CRIM1: variants seen among roughly 807,000 people sequenced by gnomAD.
CRIM1 encodes cysteine-rich motor neuron 1 protein.
CRIM1 carries 32 observed loss-of-function variants against 116.4 expected under a neutral mutation model. The observed-to-expected ratio is 0.27, with a 90% CI of 0.21 to 0.37. The LOEUF is 0.37. Among genes scored for constraint, CRIM1 ranks in the 10% least tolerant of loss-of-function variants. The pLI is 1.00. For missense variants in CRIM1, 1,331 were observed against 1,354.8 expected (o/e 0.98, Z 0.28); for synonymous variants, 590 against 509.2 (o/e 1.16, Z -2.13).
chr2:36,487,113 A>G (rs1255414839), intron 7 of CRIM1, among the ~76,000 whole-genome samples: 1 of 152,210 alleles, frequency 6.6e-6, no homozygotes, highest in Admixed American at 6.5e-5. Context: ...CCCAATGTTC[A>G]ACAGATACCA....
At chr2:36,446,848 G>A (rs1319333304) in intron 4 of CRIM1, among the ~76,000 whole-genome samples, 1 of 152,192 alleles carries the variant, frequency 6.6e-6, no homozygotes, top group African/African-American at 2.4e-5. Flanking sequence ...GACTGTCTGT[G>A]AGGTTTAGGA....
intron 2 of CRIM1, among the ~76,000 whole-genome samples, chr2:36,428,117 A>G (rs966286902): frequency 7.2e-5 from 11 of 152,260 alleles, no homozygotes; most frequent in African/African-American, 2.2e-4. Context: ...TCAAATAACT[A>G]TCAGTGTAAG....
At chr2:36,417,163 A>G (rs545167306) in intron 2 of CRIM1, among the ~76,000 whole-genome samples, 1 of 152,266 alleles carries the variant, frequency 6.6e-6, no homozygotes, top group East Asian at 1.9e-4. Context: ...TGTCCAGACC[A>G]CTTAGCTCCT....
intron 7 of CRIM1, among the ~76,000 whole-genome samples, chr2:36,492,371 C>G (rs367889498): frequency 2.0e-5 from 3 of 152,246 alleles, no homozygotes; most frequent in Admixed American, 6.5e-5. Flanking sequence ...AAACTCCAAC[C>G]GTAAGAGACT....
chr2:36,472,639 G>A (rs1026250569), intron 5 of CRIM1, among the ~76,000 whole-genome samples: 1 of 152,128 alleles, frequency 6.6e-6, no homozygotes, highest in Non-Finnish European at 1.5e-5. Context: ...CTCAGATCAT[G>A]CACCAGGGTT....
intron 13 of CRIM1, among the ~76,000 whole-genome samples, chr2:36,536,540 G>T (rs1666569823): frequency 6.6e-6 from 1 of 152,116 alleles, no homozygotes; most frequent in Non-Finnish European, 1.5e-5. Flanking sequence ...GGTCCTTGGG[G>T]CCTCACTCTG....
chr2:36,499,369 T>C, intron 8 of CRIM1, 22 bp downstream of exon 8: 4 of 1,611,534 alleles, frequency 2.5e-6, no homozygotes, highest in Non-Finnish European at 3.4e-6. Flanking sequence ...GAAGACTGTA[T>C]GTTTTTTCTG....
chr2:36,462,798 G>C (rs575758746), intron 4 of CRIM1, among the ~76,000 whole-genome samples: 6 of 152,242 alleles, frequency 3.9e-5, no homozygotes, highest in African/African-American at 1.2e-4. Context: ...TACAATAAAT[G>C]TAAACAATAT....
Position 36,537,294 on chromosome 2 carries a change from A to G in CRIM1, c.2429-58A>G, listed in dbSNP as rs879577765. On this transcript the variant is annotated intron_variant, in intron 13 of 16. Transcript: ENST00000280527. ...GCTATCCCTTGATCTCTCACGTCTAATAAGATCGTGTGCGTTGTCACATCA... is the reference window on the plus strand; with the variant it reads ...GCTATCCCTTGATCTCTCACGTCTAGTAAGATCGTGTGCGTTGTCACATCA... 54 of 1,483,920 alleles carry G rather than the reference A, an allele frequency of 3.6e-5. No homozygotes were observed. In the East Asian group the frequency reaches 1.2e-3, roughly 32 times the overall value. The allele number at this position is 1,483,920 out of a possible 1,614,324, so 91.9% of individuals were successfully genotyped here.
chr2:36,357,034 A>G (rs1668876301), intron 1 of CRIM1, among the ~76,000 whole-genome samples: 1 of 152,154 alleles, frequency 6.6e-6, no homozygotes, highest in Non-Finnish European at 1.5e-5. Context: ...GCACTGGCGC[A>G]GTGTGGCACC....
intron 1 of CRIM1, among the ~76,000 whole-genome samples, chr2:36,380,377 G>C (rs183680851): frequency 3.5e-4 from 54 of 152,276 alleles, no homozygotes; most frequent in Middle Eastern, 3.4e-3. Flanking sequence ...TGCTCCTCTT[G>C]GGTCTGGATG....
intron 1 of CRIM1, among the ~76,000 whole-genome samples, chr2:36,373,895 G>T (rs1314779859): frequency 6.6e-6 from 1 of 152,110 alleles, no homozygotes; most frequent in Admixed American, 6.5e-5. Context: ...AACTGAAGCT[G>T]TTAGGTTCTG....
chr2:36,545,555 G>C (rs528897990), intron 15 of CRIM1, among the ~76,000 whole-genome samples: 57 of 152,200 alleles, frequency 3.7e-4, no homozygotes, highest in Admixed American at 9.8e-4. Context: ...GCTTCTCCTA[G>C]GCAACTGATT....
chr2:36,462,384 G>A (rs935764007), intron 4 of CRIM1, among the ~76,000 whole-genome samples: 3 of 152,156 alleles, frequency 2.0e-5, no homozygotes, highest in Admixed American at 2.0e-4. Flanking sequence ...TTAAACAAAT[G>A]TTGGGAAAAT....
intron 1 of CRIM1, among the ~76,000 whole-genome samples, chr2:36,364,906 T>C (rs1047482281): frequency 6.6e-6 from 1 of 152,182 alleles, no homozygotes; most frequent in African/African-American, 2.4e-5. Context: ...AAAATAATAT[T>C]AATTTTAATT....
At chr2:36,427,553 C>T (rs956000012) in intron 2 of CRIM1, among the ~76,000 whole-genome samples, 5 of 152,212 alleles carry the variant, frequency 3.3e-5, no homozygotes, top group Non-Finnish European at 7.4e-5. Flanking sequence ...CCACAGGAAG[C>T]ATTCTACCAT....
At position 36,549,864 on chromosome 2, in the gene CRIM1, T is replaced by C. The variant is rs1253197059; in HGVS notation, c.*1163T>C. The C allele has an allele frequency of 6.6e-6, 1 of 152,010 alleles. No homozygotes were observed. Among genetic ancestry groups the C allele is most frequent in the African/African-American group, 2.4e-5 (1 of 41,358 alleles). The allele number at this position is 152,010 out of a possible 1,614,324, so 9.4% of individuals were successfully genotyped here. ...ATATATATATATACATATATATTTA[T>C]ACACATACAATTTATGTTTTCCTGT... is the stretch of plus-strand genomic sequence containing the variant. On this transcript the variant is annotated 3_prime_UTR_variant, in exon 17 of 17. Coordinates refer to ENST00000280527, the MANE Select transcript of CRIM1 (RefSeq NM_016441.3).
chr2:36,476,590 A>C (rs1403269713), intron 5 of CRIM1, among the ~76,000 whole-genome samples: 1 of 152,232 alleles, frequency 6.6e-6, no homozygotes, highest in African/African-American at 2.4e-5. Flanking sequence ...AGCACATACC[A>C]GATATGTGAG....
At chr2:36,498,735 T>G (rs780406363) in intron 7 of CRIM1, among the ~76,000 whole-genome samples, 1 of 152,174 alleles carries the variant, frequency 6.6e-6, no homozygotes, top group Non-Finnish European at 1.5e-5. Flanking sequence ...TCCAGGTGTT[T>G]TAAGCTAGTC....
Sources: gnomAD v4.1 joint callset for allele counts (sites outside exome capture counted in the v4.1 genomes callset) on GRCh38, gnomAD v4.1.1 for gene constraint, MANE v1.5 for transcripts, NCBI Gene and HGNC (gene_info 2026-07-23, HGNC 2026-07-21) for gene names.